LRRTM4: variants seen among roughly 807,000 people sequenced by gnomAD.
LRRTM4 encodes leucine rich repeat transmembrane neuronal 4, also known as leucine-rich repeat transmembrane neuronal protein 4.
LRRTM4 carries 25 observed loss-of-function variants against 47.6 expected under a neutral mutation model. The observed-to-expected ratio is 0.53, with a 90% confidence interval of 0.38 to 0.73. The LOEUF (loss-of-function observed/expected upper bound fraction) is 0.73, where lower values mean the gene tolerates loss of function less well. LRRTM4 is among the 30% of genes least tolerant of loss of function. The pLI is 0.00. For missense variants in LRRTM4, 638 were observed against 713.4 expected (o/e 0.89, Z 1.20); for synonymous variants, 311 against 269.5 (o/e 1.15, Z -1.51).
chr2:77,203,676 G>T (rs1378517574), intron 3 of LRRTM4, among the ~76,000 whole-genome samples: 1 of 152,182 alleles, frequency 6.6e-6, no homozygotes, highest in Admixed American at 6.5e-5. Context: ...AAGCTCTGGA[G>T]AGTGTATAGA....
At chr2:76,926,723 A>ACTACCAG (rs1344317264) in intron 3 of LRRTM4, among the ~76,000 whole-genome samples, 1 of 151,912 alleles carries the variant, frequency 6.6e-6, no homozygotes, top group Non-Finnish European at 1.5e-5. Flanking sequence ...ATGAGATGAT[A>ACTACCAG]CTACCAGATG....
At chr2:76,948,830 T>C (rs923840453) in intron 3 of LRRTM4, among the ~76,000 whole-genome samples, 1 of 151,798 alleles carries the variant, frequency 6.6e-6, no homozygotes, top group Non-Finnish European at 1.5e-5. Context: ...AATAATGAAA[T>C]TTGGGGCTCA....
At chr2:77,423,297 G>T (rs963475289) in intron 3 of LRRTM4, among the ~76,000 whole-genome samples, 1 of 151,418 alleles carries the variant, frequency 6.6e-6, no homozygotes, top group Non-Finnish European at 1.5e-5. Flanking sequence ...TAGGGCACAT[G>T]GGTCTTTTAT....
At position 77,519,541 on chromosome 2, in the gene LRRTM4, T is replaced by C; in HGVS notation, c.328A>G (p.Arg110Gly). ...VDEDAFQGIR[R>G]LKELILSSNK... is the part of the protein sequence containing the mutation. ...GAGCTTAGAATTAATTCTTTCAGTC[T>C]ACGGATCCCTTGAAATGCATCTTCA... Residue 110 changes from arginine to glycine, a missense_variant, in exon 3 of 4, where the codon AGA (arginine) becomes GGA (glycine). Physicochemically the swap from Arg to Gly is moderately radical, Grantham distance 125. Transcript: ENST00000409884. The surrounding 1 kb of genome is among the most constrained non-coding windows in gnomAD (Gnocchi z 4.6). 7 of 1,613,476 alleles carry C rather than the reference T, an allele frequency of 4.3e-6. No individual in the cohort carries two copies. The highest frequency in any genetic ancestry group is 5.9e-6 in the Non-Finnish European group (7 of 1,179,628).
At chr2:77,365,723 A>C (rs1672415922) in intron 3 of LRRTM4, among the ~76,000 whole-genome samples, 1 of 151,386 alleles carries the variant, frequency 6.6e-6, no homozygotes, top group Non-Finnish European at 1.5e-5. Flanking sequence ...ATATATCAGA[A>C]AATTTTACTA....
chr2:77,223,113 A>G (rs1674691811), intron 3 of LRRTM4, among the ~76,000 whole-genome samples: 1 of 152,100 alleles, frequency 6.6e-6, no homozygotes, highest in East Asian at 1.9e-4. Flanking sequence ...AAAACCACAC[A>G]ATTATACCAA....
At chr2:77,208,307 A>T (rs1035204665) in intron 3 of LRRTM4, among the ~76,000 whole-genome samples, 4 of 152,168 alleles carry the variant, frequency 2.6e-5, no homozygotes, top group Non-Finnish European at 5.9e-5. Context: ...CCTTTCTCGC[A>T]CACAGAAAGA....
chr2:77,002,009 TAG>T (rs1465796207), intron 3 of LRRTM4, among the ~76,000 whole-genome samples: 1 of 152,160 alleles, frequency 6.6e-6, no homozygotes, highest in African/African-American at 2.4e-5. Context: ...CTTATGTTAA[TAG>T]GGCTTGATTG....
intron 3 of LRRTM4, among the ~76,000 whole-genome samples, chr2:77,055,679 C>T (rs1347328861): frequency 6.6e-6 from 1 of 152,010 alleles, no homozygotes; most frequent in Admixed American, 6.6e-5. Flanking sequence ...ACCCAGCCAT[C>T]CCATTACTGG....
chr2:76,943,834 T>C (rs1675234593), intron 3 of LRRTM4, among the ~76,000 whole-genome samples: 2 of 152,310 alleles, frequency 1.3e-5, no homozygotes, highest in South Asian at 2.1e-4. Flanking sequence ...GTCTTGCTTA[T>C]CTTCTTTGTT....
intron 3 of LRRTM4, among the ~76,000 whole-genome samples, chr2:76,868,762 A>G (rs968701316): frequency 6.6e-6 from 1 of 152,170 alleles, no homozygotes; most frequent in Admixed American, 6.5e-5. Flanking sequence ...ACTTAAACTG[A>G]GTCAGACCCA....
intron 3 of LRRTM4, among the ~76,000 whole-genome samples, chr2:76,965,971 T>C (rs989444365): frequency 6.6e-6 from 1 of 151,372 alleles, no homozygotes; most frequent in Non-Finnish European, 1.5e-5. Flanking sequence ...CTGGCCAGCT[T>C]CAAAAACAAA....
At chr2:76,862,066 T>C (rs975015566) in intron 3 of LRRTM4, among the ~76,000 whole-genome samples, 1 of 150,576 alleles carries the variant, frequency 6.6e-6, no homozygotes, top group Non-Finnish European at 1.5e-5. Context: ...GGCTTGCTAA[T>C]TTAGGCTTTT....
intron 3 of LRRTM4, among the ~76,000 whole-genome samples, chr2:76,855,051 ATTT>A (rs1210750575): frequency 6.6e-6 from 1 of 152,200 alleles, no homozygotes; most frequent in East Asian, 1.9e-4. Context: ...TTTGACCAAA[ATTT>A]TGAAAGAGAA....
chr2:77,239,079 G>T (rs1486559889), intron 3 of LRRTM4, among the ~76,000 whole-genome samples: 2 of 151,614 alleles, frequency 1.3e-5, no homozygotes, highest in Non-Finnish European at 2.9e-5. Flanking sequence ...TTTAGAAATG[G>T]TCAAAATAGA....
rs184005557 is a variant in LRRTM4, at chr2:77,097,955, G to C, written c.1552-349039C>G. Among the ~76,000 whole-genome samples the C allele has an allele frequency of 1.0e-3, 152 of 151,804 alleles. 1 individual carries two copies. In the Middle Eastern group the frequency reaches 0.01, roughly 10 times the overall value. On this transcript the variant is annotated intron_variant, in intron 3 of 3. Coordinates refer to ENST00000409884, the MANE Select transcript of LRRTM4 (RefSeq NM_001134745.3). ...ATTTATGATTATATGAGAATAAAAA[G>C]ATAAAAATGATAAGGAAAATAAGGC...
chr2:77,183,606 A>T (rs1398975665), intron 3 of LRRTM4, among the ~76,000 whole-genome samples: 2 of 152,214 alleles, frequency 1.3e-5, no homozygotes, highest in Non-Finnish European at 2.9e-5. Flanking sequence ...ATTATAAATC[A>T]TGCTGCTATA....
At chr2:77,261,668 A>G (rs188752282) in intron 3 of LRRTM4, among the ~76,000 whole-genome samples, 2 of 152,218 alleles carry the variant, frequency 1.3e-5, no homozygotes, top group African/African-American at 4.8e-5. Flanking sequence ...CAGCATTAAG[A>G]TAACTGATCA....
intron 3 of LRRTM4, among the ~76,000 whole-genome samples, chr2:77,159,140 G>A (rs1672639153): frequency 6.6e-6 from 1 of 152,042 alleles, no homozygotes; most frequent in African/African-American, 2.4e-5. Flanking sequence ...ATCTTATTTG[G>A]AAGAACAGCT....
Sources: allele counts gnomAD v4.1 joint callset (sites outside exome capture counted in the v4.1 genomes callset), GRCh38; gene constraint gnomAD v4.1.1; non-coding constraint Gnocchi (gnomAD v3.1); transcripts MANE v1.5; gene names NCBI Gene and HGNC (gene_info 2026-07-23, HGNC 2026-07-21).